Variants in RNF213 observed in about 807,000 individuals in gnomAD.
The protein encoded by RNF213 is ring finger protein 213.
Under a neutral mutation model 514.4 loss-of-function variants are expected in RNF213, and 341 were observed. That is an observed-to-expected ratio of 0.66 (90% CI 0.61 to 0.73). RNF213 has a LOEUF of 0.73. Among genes scored for constraint, RNF213 ranks in the 30% least tolerant of loss-of-function variants. RNF213 has a pLI of 0.00. For missense variants in RNF213, 5,767 were observed against 6,615.6 expected, an observed-to-expected ratio of 0.87 and a Z score of 4.45; for synonymous variants, 2,655 against 2,658.2, an observed-to-expected ratio of 1.00 and a Z score of 0.04.
intron 3 of RNF213, among the ~76,000 whole-genome samples, chr17:80,275,909 G>T (rs891057075): frequency 1.3e-5 from 2 of 150,802 alleles, no homozygotes; most frequent in Middle Eastern, 6.9e-3. Context: ...TGATCCACCC[G>T]CCTCGGCCTC....
At position 80,346,739 on chromosome 17, in the gene RNF213, G is replaced by C. The variant is rs1360613283; in HGVS notation, c.8404G>C (p.Val2802Leu). 8 of 1,612,612 alleles carry C rather than the reference G, an allele frequency of 5.0e-6. No homozygotes were observed. Among genetic ancestry groups the C allele is most frequent in the Non-Finnish European group, 6.8e-6 (8 of 1,179,916 alleles). Residue 2802 changes from valine to leucine, a missense_variant, in exon 29 of 68, where the codon GTC (valine) becomes CTC (leucine). Around this residue, in one of 13 missense-constraint regions of RNF213, gnomAD observed 105 missense variants for 183.9 expected, o/e 0.57. Transcript: ENST00000582970. This position sits in a 1 kb window ranked among gnomAD's most constrained non-coding sequence, Gnocchi z 8.1. Reference protein sequence around the residue: ...YSDLFRSLKQVHLVSFQCSPH... With the variant: ...YSDLFRSLKQLHLVSFQCSPH... ...AGATCTCTTCCGCAGCCTGAAGCAG[G>C]TCCACCTGGTGTCCTTCCAGTGCAG...
At chr17:80,312,815 C>T (rs545407550) in intron 14 of RNF213, among the ~76,000 whole-genome samples, 197 bp from the exon 15 acceptor site, 1 of 152,322 alleles carries the variant, frequency 6.6e-6, no homozygotes, top group African/African-American at 2.4e-5. Flanking sequence ...CTCCCACGTT[C>T]AGGGTGAACC....
At chr17:80,299,740 G>C (rs2045105435) in intron 11 of RNF213, among the ~76,000 whole-genome samples, 1 of 151,996 alleles carries the variant, frequency 6.6e-6, no homozygotes, top group Admixed American at 6.6e-5. Context: ...ATAAGCCCCA[G>C]TGTGTGTTGT....
chr17:80,290,424 AGTGTG>A, intron 6 of RNF213, 141 bp from the exon 7 acceptor site: 1 of 887,886 alleles, frequency 1.1e-6, no homozygotes, highest in Non-Finnish European at 1.8e-6. Flanking sequence ...CGTGTGTGCG[AGTGTG>A]CGCGTGTGTG....
In RNF213 at chr17:80,383,650, ATTT is replaced by A. The variant is rs527700001; in HGVS notation, c.14071-19_14071-17del. 2.6e-4 allele frequency: 402 copies of A among 1,566,964 alleles called. 2 individuals carry two copies. The South Asian group carries it at 3.6e-3, about 14-fold the overall frequency. On this transcript the variant is annotated intron_variant, in intron 58 of 67. Coordinates refer to ENST00000582970, the MANE Select transcript of RNF213 (RefSeq NM_001256071.3). ...TTTGTAGCAATACCTCACTTCCAGA[ATTT>A]TTTTTTTCATTTTCTCCATCCAGCA...
intron 18 of RNF213, among the ~76,000 whole-genome samples, chr17:80,326,160 G>A (rs573312676): frequency 6.6e-5 from 10 of 151,890 alleles, no homozygotes; most frequent in South Asian, 2.1e-4. Flanking sequence ...TCTCTGTTGC[G>A]CAAGTTAGCA....
At chr17:80,271,718 C>A (rs1352995992) in intron 2 of RNF213, among the ~76,000 whole-genome samples, 3 of 152,198 alleles carry the variant, frequency 2.0e-5, no homozygotes, top group Non-Finnish European at 4.4e-5. Flanking sequence ...GTGGCTCAAG[C>A]CTGTAATCCC....
intron 3 of RNF213, among the ~76,000 whole-genome samples, chr17:80,285,896 G>A (rs186478585): frequency 1.6e-3 from 238 of 152,200 alleles, no homozygotes; most frequent in Middle Eastern, 0.014. Context: ...GGCTGGTGGC[G>A]AACTCCTGAC....
intron 44 of RNF213, 36 bp from the exon 45 acceptor site, chr17:80,369,466 C>T (rs1227762238): frequency 6.3e-7 from 1 of 1,594,426 alleles, no homozygotes; most frequent in Non-Finnish European, 8.6e-7. Flanking sequence ...ATTTGGGAAA[C>T]ACCATCCACC....
At chr17:80,287,735 G>A (rs975443997) in intron 3 of RNF213, 80 bp from the exon 4 acceptor site, 66 of 1,441,750 alleles carry the variant, frequency 4.6e-5, no homozygotes, top group Admixed American at 1.7e-5. Flanking sequence ...GTTGAGGAAC[G>A]GAAGAGAAAG....
At chr17:80,284,626 A>G (rs780385524) in intron 3 of RNF213, among the ~76,000 whole-genome samples, 3 of 151,948 alleles carry the variant, frequency 2.0e-5, no homozygotes, top group Non-Finnish European at 4.4e-5. Context: ...GAGGAAGTTT[A>G]TTATGGACAC....
chr17:80,281,586 CACTGCCA>C (rs2044295020), intron 3 of RNF213, among the ~76,000 whole-genome samples: 1 of 68,612 alleles, frequency 1.5e-5, no homozygotes, highest in Non-Finnish European at 3.5e-5. Flanking sequence ...ACCACTCACA[CACTGCCA>C]ACACACACAG....
intron 29 of RNF213, among the ~76,000 whole-genome samples, chr17:80,348,744 C>T (rs571823714): frequency 1.3e-5 from 2 of 152,322 alleles, no homozygotes; most frequent in South Asian, 2.1e-4. Context: ...AGAAGCCCCT[C>T]GCCGATGGGG....
At chr17:80,344,047 G>C (rs759887716) in intron 28 of RNF213, 32 bp downstream of exon 28, 153 of 1,604,966 alleles carry the variant, frequency 9.5e-5, no homozygotes, top group Admixed American at 1.7e-4. Context: ...CGCCTGGCGT[G>C]GGGGGCTCTT....
In RNF213 at chr17:80,344,948, T is replaced by A. The variant is rs759511123; in HGVS notation, c.6613T>A (p.Cys2205Ser). The A allele has an allele frequency of 6.2e-7, 1 of 1,614,168 alleles. No individual in the cohort carries two copies. Among genetic ancestry groups the A allele is most frequent in the South Asian group, 1.1e-5 (1 of 91,082 alleles). The change falls in exon 29 of 68, where the codon TGC becomes AGC. Residue 2205 changes from cysteine (C) to serine (S), a missense_variant. Physicochemically the swap from Cys to Ser is moderately radical, Grantham distance 112. Around this residue, in one of 13 missense-constraint regions of RNF213, gnomAD observed 1,377 missense variants for 1,635.2 expected, o/e 0.84. Coordinates refer to ENST00000582970, the MANE Select transcript of RNF213 (RefSeq NM_001256071.3). ...ATGCCTCCAGCATTTCCTGTTTCAC[T>A]GCGGGGTAATAAACCCATCCTGGTC... ...EECLQHFLFHCGVINPSWSEL... is the reference protein window; with the variant it reads ...EECLQHFLFHSGVINPSWSEL...
chr17:80,373,279 C>CACCTTCCCCACCACATACCCTCAT, intron 49 of RNF213, 114 bp downstream of exon 49: 1 of 741,392 alleles, frequency 1.3e-6, no homozygotes. Flanking sequence ...CACCCCCTCA[C>CACCTTCCCCACCACATACCCTCAT]ACCTTCCCCA....
rs1272073379 is a variant in RNF213, at chr17:80,369,751, T to C, written c.12326-17T>C. On this transcript the variant is annotated splice_polypyrimidine_tract_variant and intron_variant, in intron 45 of 67. Coordinates refer to ENST00000582970, the MANE Select transcript of RNF213 (RefSeq NM_001256071.3). ...CATGTCTCATGCAGTGAGCTGCCTT[T>C]TTCTTTCTGGTTTAAGGACACTGTG... The C allele has an allele frequency of 1.2e-6, 2 of 1,613,350 alleles. No homozygotes were observed. The highest frequency in any genetic ancestry group is 1.7e-6 in the Non-Finnish European group (2 of 1,179,416).
chr17:80,293,812 G>A (rs1299174361), intron 8 of RNF213, among the ~76,000 whole-genome samples: 1 of 151,936 alleles, frequency 6.6e-6, no homozygotes, highest in Non-Finnish European at 1.5e-5. Context: ...GGGCGACAGA[G>A]GGAGACTCAG....
chr17:80,283,776 C>T (rs777226379), intron 3 of RNF213, among the ~76,000 whole-genome samples: 39 of 152,192 alleles, frequency 2.6e-4, no homozygotes, highest in Non-Finnish European at 4.9e-4. Flanking sequence ...GGCTGTGACT[C>T]GGCGGTCCAG....
Sources: gnomAD v4.1 joint callset for allele counts (sites outside exome capture counted in the v4.1 genomes callset) on GRCh38, gnomAD v4.1.1 for gene constraint, gnomAD v4.1.1 regional missense constraint, Gnocchi (gnomAD v3.1) non-coding constraint, MANE v1.5 for transcripts, NCBI Gene and HGNC (gene_info 2026-07-23, HGNC 2026-07-21) for gene names.